IQGAP2: variants seen among roughly 807,000 people sequenced by gnomAD.
The protein encoded by IQGAP2 is ras GTPase-activating-like protein IQGAP2.
Under a neutral mutation model 201.3 loss-of-function variants are expected in IQGAP2, and 173 were observed. That is an observed-to-expected ratio of 0.86 (90% CI 0.76 to 0.98). IQGAP2 has a LOEUF of 0.98. Among genes scored for constraint, IQGAP2 ranks in the 50% least tolerant of loss-of-function variants. The pLI is 0.00. For synonymous variants in IQGAP2, 675 were observed against 673.9 expected (o/e 1.00, Z -0.03); for missense variants, 1,687 against 1,864.8 (o/e 0.90, Z 1.76).
At chr5:76,628,820 C>T in intron 14 of IQGAP2, 1 of 412,292 alleles carries the variant, frequency 2.4e-6, no homozygotes, top group Non-Finnish European at 4.8e-6. Flanking sequence ...TCTAGCACGC[C>T]TTAAGAAAAA....
At chr5:76,485,169 A>G (rs1276791223) in intron 2 of IQGAP2, among the ~76,000 whole-genome samples, 1 of 152,162 alleles carries the variant, frequency 6.6e-6, no homozygotes, top group Non-Finnish European at 1.5e-5. Context: ...ACCTCGAGGT[A>G]GGGTGCGAAT....
chr5:76,408,220 C>T (rs777482148), intron 1 of IQGAP2, among the ~76,000 whole-genome samples: 1 of 152,098 alleles, frequency 6.6e-6, no homozygotes, highest in Non-Finnish European at 1.5e-5. Context: ...TCATGGTAAC[C>T]AAAAGAGAAA....
intron 2 of IQGAP2, among the ~76,000 whole-genome samples, chr5:76,518,171 G>A (rs1055336724): frequency 2.0e-5 from 3 of 151,842 alleles, no homozygotes; most frequent in Non-Finnish European, 2.9e-5. Flanking sequence ...CATGTTGGCC[G>A]GGCTGGTCTC....
At chr5:76,605,368 A>T (rs1192260783) in intron 11 of IQGAP2, among the ~76,000 whole-genome samples, 1 of 152,002 alleles carries the variant, frequency 6.6e-6, no homozygotes, top group African/African-American at 2.4e-5. Context: ...TTTTAATTTT[A>T]TTTTTTTATG....
intron 32 of IQGAP2, among the ~76,000 whole-genome samples, chr5:76,697,110 T>C (rs1746820079): frequency 6.6e-6 from 1 of 152,214 alleles, no homozygotes; most frequent in Non-Finnish European, 1.5e-5. Context: ...TTAGCATAGC[T>C]CTTGTAAGCT....
At chr5:76,506,861 A>G (rs1757631580) in intron 2 of IQGAP2, among the ~76,000 whole-genome samples, 1 of 152,238 alleles carries the variant, frequency 6.6e-6, no homozygotes, top group East Asian at 1.9e-4. Context: ...GAAAGAAATA[A>G]AAGAGGAACT....
At chr5:76,512,153 A>C (rs1278999892) in intron 2 of IQGAP2, among the ~76,000 whole-genome samples, 1 of 152,196 alleles carries the variant, frequency 6.6e-6, no homozygotes. Context: ...AGAGTTTGAA[A>C]GACAAACTAT....
At chr5:76,555,379 G>A (rs1743870501) in intron 2 of IQGAP2, among the ~76,000 whole-genome samples, 1 of 152,186 alleles carries the variant, frequency 6.6e-6, no homozygotes, top group African/African-American at 2.4e-5. Context: ...TATAATTTCA[G>A]ATTTATGGAC....
intron 2 of IQGAP2, among the ~76,000 whole-genome samples, chr5:76,533,323 C>T (rs1299415641): frequency 6.6e-6 from 1 of 152,124 alleles, no homozygotes; most frequent in East Asian, 1.9e-4. Flanking sequence ...TTAAATTACT[C>T]ACCGACGGGG....
intron 8 of IQGAP2, 152 bp from the exon 9 acceptor site, chr5:76,592,686 C>CCCT (rs1449946294): frequency 1.6e-6 from 1 of 627,750 alleles, no homozygotes. Flanking sequence ...TCCCCTAGTC[C>CCCT]CCTGCACAGA....
At position 76,674,541 on chromosome 5, in the gene IQGAP2, A is replaced by G; in HGVS notation, c.3359A>G (p.Asp1120Gly). 6.2e-7 allele frequency: 1 copy of G among 1,614,144 alleles called. No homozygotes were observed. Among genetic ancestry groups the G allele is most frequent in the South Asian group, 1.1e-5 (1 of 91,084 alleles). Reference protein sequence around the residue: ...NPAIVAPDGFDIIDMTAGGQI... With the variant: ...NPAIVAPDGFGIIDMTAGGQI... ...GCCATTGTAGCTCCAGATGGCTTTG[A>G]TATCATCGACATGACAGCTGGAGGT... Residue 1120 changes from aspartate (D) to glycine (G), a missense_variant, in exon 27 of 36, where the codon GAT becomes GGT. Physicochemically the swap from Asp to Gly is moderately conservative, Grantham distance 94. Transcript: ENST00000274364.
chr5:76,636,912 G>GAAGGTTTCACCAAA (rs1751174879), intron 15 of IQGAP2, 122 bp from the exon 16 acceptor site: 5 of 725,210 alleles, frequency 6.9e-6, no homozygotes, highest in Non-Finnish European at 6.3e-6. Context: ...CACTTCTGAT[G>GAAGGTTTCACCAAA]CCTTTGGCTG....
chr5:76,484,919 C>T (rs1167827887), intron 2 of IQGAP2, among the ~76,000 whole-genome samples: 1 of 152,174 alleles, frequency 6.6e-6, no homozygotes, highest in Non-Finnish European at 1.5e-5. Context: ...GCAGACCTGA[C>T]CTGGGCTGAA....
At chr5:76,540,480 C>T (rs1047036818) in intron 2 of IQGAP2, among the ~76,000 whole-genome samples, 1 of 151,990 alleles carries the variant, frequency 6.6e-6, no homozygotes, top group Non-Finnish European at 1.5e-5. Context: ...CAGTAAGTGG[C>T]AGTGGTAGTG....
chr5:76,684,069 T>C (rs1745534882), intron 30 of IQGAP2, 152 bp downstream of exon 30: 3 of 586,142 alleles, frequency 5.1e-6, no homozygotes, highest in Non-Finnish European at 5.3e-6. Flanking sequence ...CAAAGGATAA[T>C]AGACTCTTTA....
chr5:76,491,769 T>C (rs889734733), intron 2 of IQGAP2, among the ~76,000 whole-genome samples: 2 of 152,238 alleles, frequency 1.3e-5, no homozygotes, highest in African/African-American at 4.8e-5. Context: ...GCAAAGCAAG[T>C]ACCCTGTGGT....
At chr5:76,636,391 C>G (rs1452208210) in intron 15 of IQGAP2, among the ~76,000 whole-genome samples, 2 of 152,198 alleles carry the variant, frequency 1.3e-5, no homozygotes, top group African/African-American at 4.8e-5. Flanking sequence ...ATAGGATTTT[C>G]TAACACCCCT....
At chr5:76,498,524 G>A (rs981157528) in intron 2 of IQGAP2, among the ~76,000 whole-genome samples, 2 of 152,156 alleles carry the variant, frequency 1.3e-5, no homozygotes, top group Non-Finnish European at 2.9e-5. Context: ...TTGCATCTTG[G>A]CTCTTTCATA....
chr5:76,454,881 A>G (rs59969135), intron 1 of IQGAP2, among the ~76,000 whole-genome samples: 33,226 of 152,088 alleles, frequency 0.22, 3,839 homozygotes, highest in Middle Eastern at 0.3. Flanking sequence ...AACTTCCACA[A>G]TGGTTGAACT....
Sources: allele counts gnomAD v4.1 joint callset (sites outside exome capture counted in the v4.1 genomes callset), GRCh38; gene constraint gnomAD v4.1.1; transcripts MANE v1.5; gene names NCBI Gene and HGNC (gene_info 2026-07-23, HGNC 2026-07-21).